The following UNC13C variants were observed in gnomAD, a reference collection of about 807,000 sequenced individuals.
UNC13C encodes the protein protein unc-13 homolog C.
Under a neutral mutation model 245.4 loss-of-function variants are expected in UNC13C, and 174 were observed. The ratio of observed to expected loss-of-function variants is 0.71; its 90% CI spans 0.63 to 0.80. The LOEUF is 0.80. Ranked by LOEUF, UNC13C falls within the 30% of genes least tolerant of loss-of-function variation. UNC13C has a pLI of 0.00. For synonymous variants in UNC13C, 992 were observed against 895.1 expected (o/e 1.11, Z -1.93); for missense variants, 2,829 against 2,602.9 (o/e 1.09, Z -1.89).
At chr15:54,055,959 A>G (rs1897495778) in intron 2 of UNC13C, among the ~76,000 whole-genome samples, 1 of 152,186 alleles carries the variant, frequency 6.6e-6, no homozygotes, top group African/African-American at 2.4e-5. Context: ...TCTACTGGAT[A>G]CCTTCCATTA....
chr15:53,862,580 C>T, the UNC13C span, among the ~76,000 whole-genome samples: 3 of 152,234 alleles, frequency 2.0e-5, no homozygotes, highest in East Asian at 3.9e-4. Context: ...TTTGTTTTCA[C>T]ATTCCTGCCC....
At chr15:54,455,041 G>C (rs904840364) in intron 19 of UNC13C, among the ~76,000 whole-genome samples, 1 of 150,912 alleles carries the variant, frequency 6.6e-6, no homozygotes, top group African/African-American at 2.4e-5. Context: ...CCACTTATAA[G>C]TGAGAACATA....
chr15:54,377,522 A>G (rs1434078597), intron 17 of UNC13C, among the ~76,000 whole-genome samples: 1 of 152,222 alleles, frequency 6.6e-6, no homozygotes, highest in Non-Finnish European at 1.5e-5. Context: ...TCAACATCCT[A>G]TGAAGTACTT....
chr15:53,889,095 A>G, the UNC13C span, among the ~76,000 whole-genome samples: 2 of 152,088 alleles, frequency 1.3e-5, no homozygotes, highest in Admixed American at 6.6e-5. Flanking sequence ...AACAAAGTCA[A>G]TGGTAGCTTG....
intron 10 of UNC13C, 70 bp downstream of exon 10, chr15:54,265,566 A>T (rs1456510100): frequency 5.1e-6 from 6 of 1,167,796 alleles, no homozygotes; most frequent in Non-Finnish European, 6.8e-6. Flanking sequence ...AGGCATACAA[A>T]GGATGCAATA....
chr15:54,538,133 C>CA (rs56041311), intron 26 of UNC13C, among the ~76,000 whole-genome samples: 239 of 10,246 alleles, frequency 0.023, 5 homozygotes, highest in Admixed American at 0.031. Context: ...CATTAACAAG[C>CA]AAAAAAAAAA....
At chr15:53,955,122 T>C in the UNC13C span, among the ~76,000 whole-genome samples, 1 of 152,184 alleles carries the variant, frequency 6.6e-6, no homozygotes, top group Non-Finnish European at 1.5e-5. Context: ...CAATTTCAGG[T>C]GAACATACAT....
intron 18 of UNC13C, among the ~76,000 whole-genome samples, chr15:54,412,880 G>A (rs1322815192): frequency 6.6e-6 from 1 of 152,124 alleles, no homozygotes; most frequent in Non-Finnish European, 1.5e-5. Flanking sequence ...AGTATCAAGT[G>A]TGAGACTTAA....
chr15:54,210,912 G>A (rs773148934), intron 4 of UNC13C, among the ~76,000 whole-genome samples: 37 of 152,090 alleles, frequency 2.4e-4, no homozygotes, highest in Non-Finnish European at 4.3e-4. Context: ...TTTGCTTCAC[G>A]GGGAGACATT....
chr15:54,268,550 T>C (rs1245233263), intron 10 of UNC13C, among the ~76,000 whole-genome samples: 1 of 152,162 alleles, frequency 6.6e-6, no homozygotes, highest in Admixed American at 6.6e-5. Flanking sequence ...CGTAGCATCC[T>C]ATAGGTATTA....
the UNC13C span, among the ~76,000 whole-genome samples, chr15:53,963,976 G>T: frequency 6.6e-6 from 1 of 152,162 alleles, no homozygotes; most frequent in African/African-American, 2.4e-5. Context: ...TTTCTGGCAG[G>T]ATTTGGGGAA....
At chr15:54,042,917 A>G (rs563078320) in intron 2 of UNC13C, among the ~76,000 whole-genome samples, 3 of 152,276 alleles carry the variant, frequency 2.0e-5, no homozygotes, top group South Asian at 4.1e-4. Context: ...AACATTGAGC[A>G]TCAATGTTAC....
intron 26 of UNC13C, 24 bp from the exon 27 acceptor site, chr15:54,546,696 AAT>A (rs141252841): frequency 7.8e-4 from 1,030 of 1,324,974 alleles, no homozygotes; most frequent in East Asian, 1.1e-3. Flanking sequence ...TTTAAAAGTG[AAT>A]ATATATATAT....
chr15:54,433,031 A>G (rs1005735186), intron 19 of UNC13C, among the ~76,000 whole-genome samples: 7 of 152,076 alleles, frequency 4.6e-5, no homozygotes, highest in African/African-American at 1.7e-4. Context: ...TATATCTTCC[A>G]AGACTAAACC....
chr15:54,451,021 A>G (rs1041171654), intron 19 of UNC13C, among the ~76,000 whole-genome samples: 9 of 152,002 alleles, frequency 5.9e-5, no homozygotes, highest in African/African-American at 1.9e-4. Context: ...TTTTTGGTGG[A>G]TACTTTCTTT....
At chr15:54,009,565 T>G (rs1895290507) in intron 1 of UNC13C, among the ~76,000 whole-genome samples, 1 of 151,782 alleles carries the variant, frequency 6.6e-6, no homozygotes, top group African/African-American at 2.4e-5. Context: ...TTTTTTTTGT[T>G]GAGATGAAAT....
chr15:54,400,262 A>G (rs2040154915), intron 18 of UNC13C, among the ~76,000 whole-genome samples: 1 of 151,692 alleles, frequency 6.6e-6, no homozygotes, highest in Non-Finnish European at 1.5e-5. Flanking sequence ...TTTAAAGAAG[A>G]TTTTTTTTAC....
intron 1 of UNC13C, among the ~76,000 whole-genome samples, chr15:54,009,735 T>C (rs1386023898): frequency 6.6e-6 from 1 of 152,074 alleles, no homozygotes; most frequent in Non-Finnish European, 1.5e-5. Context: ...TTAGTACAGA[T>C]AGGATTTCAC....
At chr15:54,126,863 GAAA>G (rs1220482797) in intron 2 of UNC13C, among the ~76,000 whole-genome samples, 3 of 151,922 alleles carry the variant, frequency 2.0e-5, no homozygotes, top group African/African-American at 7.2e-5. Context: ...AAATTTACAA[GAAA>G]AAAACAACCC....
Sources: allele counts gnomAD v4.1 joint callset (sites outside exome capture counted in the v4.1 genomes callset), GRCh38; gene constraint gnomAD v4.1.1; transcripts MANE v1.5; gene names NCBI Gene and HGNC (gene_info 2026-07-23, HGNC 2026-07-21).